OPCML: variants seen among roughly 807,000 people sequenced by gnomAD.
OPCML encodes the protein opioid-binding protein/cell adhesion molecule.
OPCML carries 13 observed loss-of-function variants against 37.8 expected under a neutral mutation model. The observed-to-expected ratio is 0.34, with a 90% CI of 0.22 to 0.55. The LOEUF is 0.55. Ranked by LOEUF, OPCML falls within the 20% of genes least tolerant of loss-of-function variation. OPCML has a pLI of 0.91. For synonymous variants in OPCML, 176 were observed against 168.8 expected, an observed-to-expected ratio of 1.04 and a Z score of -0.33; for missense variants, 341 against 435.6, an observed-to-expected ratio of 0.78 and a Z score of 1.93.
chr11:132,698,526 G>A (rs545382271), intron 2 of OPCML, among the ~76,000 whole-genome samples: 35 of 151,984 alleles, frequency 2.3e-4, no homozygotes, highest in South Asian at 6.3e-4. Context: ...TATATATTTC[G>A]GATATTAATG....
chr11:133,497,686 T>C (rs1257959723), intron 1 of OPCML, among the ~76,000 whole-genome samples: 1 of 152,098 alleles, frequency 6.6e-6, no homozygotes, highest in Non-Finnish European at 1.5e-5. Context: ...TCAGTCCAGC[T>C]AGTGTCAAGC....
At chr11:132,515,804 A>C (rs915403104) in intron 4 of OPCML, among the ~76,000 whole-genome samples, 1 of 152,160 alleles carries the variant, frequency 6.6e-6, no homozygotes, top group Non-Finnish European at 1.5e-5. Flanking sequence ...TCAACCTCGG[A>C]CATGTGGGAG....
chr11:132,508,822 G>T (rs541566978), intron 4 of OPCML, among the ~76,000 whole-genome samples: 1 of 152,266 alleles, frequency 6.6e-6, no homozygotes, highest in South Asian at 2.1e-4. Flanking sequence ...CCAGTCTTGG[G>T]TATGTCTTTA....
At chr11:133,263,161 C>T (rs1490225653) in intron 1 of OPCML, among the ~76,000 whole-genome samples, 1 of 151,950 alleles carries the variant, frequency 6.6e-6, no homozygotes, top group East Asian at 1.9e-4. Flanking sequence ...TCATTTTTTT[C>T]TCTTTAAAAT....
Position 133,086,595 on chromosome 11 carries a change from G to A in OPCML, c.62-143585C>T, listed in dbSNP as rs1948822348. 2.7e-5 allele frequency among the ~76,000 whole-genome samples: 4 copies of A among 150,864 alleles called. No individual in the cohort carries two copies. The South Asian group carries it at 8.3e-4, about 31-fold the overall frequency. ...AAGGTGTACAACGTGATGATTTGAT[G>A]TAATGCATGGTGTAATGCATGGTGT... is the stretch of plus-strand genomic sequence containing the variant. On this transcript the variant is annotated intron_variant, in intron 1 of 7. Coordinates refer to ENST00000524381, the MANE Select transcript of OPCML (RefSeq NM_001012393.5).
At chr11:132,793,239 C>G (rs112968582) in intron 2 of OPCML, among the ~76,000 whole-genome samples, 1 of 152,050 alleles carries the variant, frequency 6.6e-6, no homozygotes, top group Non-Finnish European at 1.5e-5. Flanking sequence ...CCTGTGGTAC[C>G]GGCATGGGAC....
intron 1 of OPCML, among the ~76,000 whole-genome samples, chr11:133,256,500 G>A (rs1941315039): frequency 6.6e-6 from 1 of 152,126 alleles, no homozygotes; most frequent in African/African-American, 2.4e-5. Flanking sequence ...ATTCCTTAGA[G>A]AAAAAACACT....
chr11:132,984,595 A>G (rs909714066), intron 1 of OPCML, among the ~76,000 whole-genome samples: 25 of 152,152 alleles, frequency 1.6e-4, no homozygotes, highest in Non-Finnish European at 1.8e-4. Flanking sequence ...CACAGCTGTA[A>G]CTCTGATGGT....
At chr11:133,401,537 C>T (rs893994724) in intron 1 of OPCML, among the ~76,000 whole-genome samples, 4 of 152,110 alleles carry the variant, frequency 2.6e-5, no homozygotes, top group South Asian at 2.1e-4. Flanking sequence ...AGCTGGGTCT[C>T]ATACCACATC....
chr11:133,397,643 T>C (rs1170097280), intron 1 of OPCML, among the ~76,000 whole-genome samples: 1 of 152,260 alleles, frequency 6.6e-6, no homozygotes, highest in Admixed American at 6.5e-5. Context: ...CATTGGCTTA[T>C]GCCATTTGTT....
chr11:132,500,801 G>T, intron 4 of OPCML, among the ~76,000 whole-genome samples: 1 of 152,040 alleles, frequency 6.6e-6, no homozygotes, highest in East Asian at 1.9e-4. Context: ...GAGAACATGT[G>T]GTGTTTGGTT....
intron 2 of OPCML, among the ~76,000 whole-genome samples, chr11:132,850,516 GGTGTGTGTGT>G (rs66934308): frequency 2.7e-5 from 4 of 148,028 alleles, no homozygotes; most frequent in Non-Finnish European, 4.5e-5. Context: ...CTGTGGAAAG[GGTGTGTGTGT>G]GTGTGTGTGT....
intron 3 of OPCML, among the ~76,000 whole-genome samples, chr11:132,559,186 G>C (rs571384823): frequency 6.6e-6 from 1 of 152,106 alleles, no homozygotes; most frequent in African/African-American, 2.4e-5. Context: ...GAGAGGGAGA[G>C]AGGAGCCAAA....
intron 1 of OPCML, among the ~76,000 whole-genome samples, chr11:133,158,183 A>G (rs922953262): frequency 4.6e-5 from 7 of 152,200 alleles, no homozygotes; most frequent in African/African-American, 1.7e-4. Context: ...TTTGCGTTCT[A>G]CGCACTCAGT....
intron 2 of OPCML, among the ~76,000 whole-genome samples, chr11:132,934,024 C>T (rs1040718111): frequency 3.3e-5 from 5 of 152,062 alleles, no homozygotes; most frequent in Admixed American, 1.3e-4. Context: ...TCAAGGTGGA[C>T]CAATAACTGA....
At chr11:132,765,678 G>A (rs756787151) in intron 2 of OPCML, among the ~76,000 whole-genome samples, 2 of 152,154 alleles carry the variant, frequency 1.3e-5, no homozygotes, top group African/African-American at 2.4e-5. Context: ...GAATATGAGT[G>A]TGATGGTGAT....
chr11:132,727,759 CCT>C (rs1348452153), intron 2 of OPCML, among the ~76,000 whole-genome samples: 1 of 152,218 alleles, frequency 6.6e-6, no homozygotes, highest in Non-Finnish European at 1.5e-5. Context: ...AATAAAATAT[CCT>C]CCTACAGCCC....
At chr11:133,531,973 G>A (rs908698717) in intron 1 of OPCML, among the ~76,000 whole-genome samples, 1 of 152,156 alleles carries the variant, frequency 6.6e-6, no homozygotes, top group Non-Finnish European at 1.5e-5. Context: ...ATGCCAGTTG[G>A]TGACTTTCAC....
intron 3 of OPCML, among the ~76,000 whole-genome samples, chr11:132,551,508 G>A (rs1303410012): frequency 6.6e-6 from 1 of 152,110 alleles, no homozygotes; most frequent in Non-Finnish European, 1.5e-5. Context: ...TATGGTTTAG[G>A]AGTCTCACGG....
Sources: gnomAD v4.1 joint callset for allele counts (sites outside exome capture counted in the v4.1 genomes callset) on GRCh38, gnomAD v4.1.1 for gene constraint, MANE v1.5 for transcripts, NCBI Gene and HGNC (gene_info 2026-07-23, HGNC 2026-07-21) for gene names.